ASAP1: variants seen among roughly 807,000 people sequenced by gnomAD.
ASAP1 encodes ArfGAP with SH3 domain, ankyrin repeat and PH domain 1.
ASAP1 carries 43 observed loss-of-function variants against 145.2 expected under a neutral mutation model. The observed-to-expected ratio is 0.30, with a 90% CI of 0.23 to 0.38. The LOEUF is 0.38. Ranked by LOEUF, ASAP1 falls within the 10% of genes least tolerant of loss-of-function variation. The pLI, the probability that ASAP1 is intolerant of heterozygous loss-of-function variation, is 1.00. For synonymous variants in ASAP1, 546 were observed against 515.5 expected, an observed-to-expected ratio of 1.06 and a Z score of -0.80; for missense variants, 1,018 against 1,355.3, an observed-to-expected ratio of 0.75 and a Z score of 3.91.
intron 13 of ASAP1, among the ~76,000 whole-genome samples, chr8:130,143,346 T>C (rs1208944532): frequency 6.6e-6 from 1 of 151,140 alleles, no homozygotes; most frequent in African/African-American, 2.4e-5. Flanking sequence ...GGAATCTCAC[T>C]TTCACATGCA....
rs1473470805 is a variant in ASAP1 at position 130,358,881 on chromosome 8, A to C, written c.60-738T>G. Among the ~76,000 whole-genome samples the C allele has an allele frequency of 6.6e-6, 1 of 152,014 alleles. No homozygotes were observed. The highest frequency in any genetic ancestry group is 2.4e-5 in the African/African-American group (1 of 41,390). On this transcript the variant is annotated intron_variant, in intron 2 of 29. Transcript: ENST00000518721. This position sits in a 1 kb window ranked among gnomAD's most constrained non-coding sequence, Gnocchi z 4.1. ...CGCCCCCGGAGCGGTTACTTCAGCG[A>C]GCTCGTTGCGCGAGCGTTTTGCAAG...
At chr8:130,305,378 G>A (rs1822929107) in intron 3 of ASAP1, among the ~76,000 whole-genome samples, 1 of 152,206 alleles carries the variant, frequency 6.6e-6, no homozygotes, top group African/African-American at 2.4e-5. Context: ...ACGGACTCTT[G>A]CTCTGTTGCC....
chr8:130,344,483 A>G (rs1438760962), intron 3 of ASAP1, among the ~76,000 whole-genome samples: 1 of 152,246 alleles, frequency 6.6e-6, no homozygotes, highest in Non-Finnish European at 1.5e-5. Context: ...AGGAGGCAGA[A>G]ATGAAAAAAA....
chr8:130,245,953 A>C (rs1818823693), intron 3 of ASAP1, among the ~76,000 whole-genome samples: 1 of 152,108 alleles, frequency 6.6e-6, no homozygotes, highest in African/African-American at 2.4e-5. Context: ...GGACTCTTGG[A>C]GGCTACAGTG....
intron 3 of ASAP1, among the ~76,000 whole-genome samples, chr8:130,247,889 A>T (rs1409081305): frequency 6.6e-6 from 1 of 152,294 alleles, no homozygotes; most frequent in African/African-American, 2.4e-5. Flanking sequence ...CATTTTCACT[A>T]AAACTGATCG....
intron 3 of ASAP1, among the ~76,000 whole-genome samples, chr8:130,276,760 TC>T (rs1554867226): frequency 3.8e-5 from 5 of 130,324 alleles, no homozygotes; most frequent in African/African-American, 1.2e-4. Flanking sequence ...TCTCTCTCTC[TC>T]CTCTAACAAA....
At chr8:130,227,588 G>A (rs527253719) in intron 4 of ASAP1, among the ~76,000 whole-genome samples, 69 of 151,538 alleles carry the variant, frequency 4.6e-4, no homozygotes, top group Non-Finnish European at 7.5e-4. Context: ...TCATCAATCC[G>A]TGTCAGTAAA....
rs140146948 is a variant in ASAP1, at chr8:130,126,099, G to T, written c.1382-10C>A. 56 of 1,597,556 alleles carry T rather than the reference G, an allele frequency of 3.5e-5. No homozygotes were observed. The East Asian group carries it at 1.2e-3, about 33-fold the overall frequency. ...GAAAGCCAGGTGGGTTCTGTGGAAA[G>T]AATGTTGAAGACAATGAAACAAAAA... On this transcript the variant is annotated splice_polypyrimidine_tract_variant and intron_variant, in intron 16 of 29. Coordinates refer to ENST00000518721, the MANE Select transcript of ASAP1 (RefSeq NM_018482.4).
chr8:130,156,255 T>C (rs2135986853), intron 12 of ASAP1, among the ~76,000 whole-genome samples: 1 of 152,356 alleles, frequency 6.6e-6, no homozygotes, highest in South Asian at 2.1e-4. Flanking sequence ...CAAATGAGTC[T>C]GTTTTCATGT....
intron 13 of ASAP1, among the ~76,000 whole-genome samples, chr8:130,144,614 C>A (rs1168297876): frequency 5.9e-5 from 9 of 152,170 alleles, no homozygotes; most frequent in Admixed American, 1.3e-4. Flanking sequence ...GGCCAGTTCC[C>A]TCATCTTCCC....
chr8:130,424,779 G>A (rs751583129), intron 1 of ASAP1, among the ~76,000 whole-genome samples: 7 of 152,074 alleles, frequency 4.6e-5, no homozygotes, highest in Non-Finnish European at 1.0e-4. Flanking sequence ...GGATCACGAG[G>A]TCAGGAGATC....
At chr8:130,123,940 A>AT (rs1491236526) in intron 18 of ASAP1, 73 bp downstream of exon 18, 5 of 1,202,054 alleles carry the variant, frequency 4.2e-6, no homozygotes, top group Non-Finnish European at 6.0e-6. Context: ...AAAAAAAAAA[A>AT]GAAGTTTTTT....
intron 3 of ASAP1, among the ~76,000 whole-genome samples, chr8:130,333,361 G>A (rs1232367016): frequency 6.6e-6 from 1 of 152,144 alleles, no homozygotes; most frequent in African/African-American, 2.4e-5. Context: ...CAGCACTTTG[G>A]GAGGCCGAGG....
chr8:130,157,615 A>T (rs114813292), intron 12 of ASAP1, among the ~76,000 whole-genome samples: 2,271 of 152,174 alleles, frequency 0.015, 30 homozygotes, highest in African/African-American at 0.038. Flanking sequence ...CACCTCACGG[A>T]GTGGTTCCCT....
intron 27 of ASAP1, among the ~76,000 whole-genome samples, chr8:130,074,498 G>A (rs2097457792): frequency 6.6e-6 from 1 of 150,554 alleles, no homozygotes; most frequent in Non-Finnish European, 1.5e-5. Flanking sequence ...GAGAGAACGA[G>A]AGTAGAGCAA....
intron 3 of ASAP1, among the ~76,000 whole-genome samples, chr8:130,311,161 G>A (rs766174207): frequency 3.9e-5 from 6 of 152,228 alleles, no homozygotes; most frequent in Non-Finnish European, 5.9e-5. Context: ...CTGACTACAA[G>A]TGACAAGTGC....
intron 3 of ASAP1, among the ~76,000 whole-genome samples, chr8:130,259,170 T>C (rs1819746451): frequency 1.3e-5 from 2 of 152,176 alleles, no homozygotes; most frequent in African/African-American, 4.8e-5. Context: ...GATGACTCAC[T>C]CACTAAGATG....
At chr8:130,232,239 G>A (rs1586646630) in intron 4 of ASAP1, among the ~76,000 whole-genome samples, 1 of 152,146 alleles carries the variant, frequency 6.6e-6, no homozygotes. Flanking sequence ...GGGGAAAGGG[G>A]ATTAGGCTCT....
rs765923132 is a variant in ASAP1, at chr8:130,060,833, A to C, written c.2938T>G (p.Leu980Val). ...DLPPKPQLSD[L>V]PPKPQMKDLP... ...TCCTTCATCTGTGGTTTGGGAGGTA[A>C]GTCTGAGAGTTGGGGTTTGGGTGGC... The change falls in exon 28 of 30, where the codon TTA becomes GTA. Residue 980 changes from leucine to valine, a missense_variant. Coordinates refer to ENST00000518721, the MANE Select transcript of ASAP1 (RefSeq NM_018482.4). 1 of 1,612,826 alleles carries C rather than the reference A, an allele frequency of 6.2e-7. No individual in the cohort carries two copies. The highest frequency in any genetic ancestry group is 8.5e-7 in the Non-Finnish European group (1 of 1,179,710).
Sources: allele counts gnomAD v4.1 joint callset (sites outside exome capture counted in the v4.1 genomes callset), GRCh38; gene constraint gnomAD v4.1.1; non-coding constraint Gnocchi (gnomAD v3.1); transcripts MANE v1.5; gene names NCBI Gene and HGNC (gene_info 2026-07-23, HGNC 2026-07-21).